ISM1: variants seen among roughly 807,000 people sequenced by gnomAD.
The protein encoded by ISM1 is isthmin 1.
In ISM1, 25 loss-of-function variants were observed where a neutral mutation model predicts 46.3. The ratio of observed to expected loss-of-function variants is 0.54; its 90% CI spans 0.39 to 0.75. ISM1 has a LOEUF of 0.75. Ranked by LOEUF, ISM1 falls within the 30% of genes least tolerant of loss-of-function variation. The pLI is 0.00. For missense variants in ISM1, 536 were observed against 625.4 expected (o/e 0.86, Z 1.52); for synonymous variants, 255 against 256.7 (o/e 0.99, Z 0.06).
chr20:13,286,869 C>T (rs2040299448), intron 3 of ISM1, among the ~76,000 whole-genome samples: 1 of 152,240 alleles, frequency 6.6e-6, no homozygotes, highest in Non-Finnish European at 1.5e-5. Context: ...AGAGGGTACT[C>T]CCTCCCGGCA....
chr20:13,325,530 C>T, the ISM1 span, among the ~76,000 whole-genome samples: 1 of 152,252 alleles, frequency 6.6e-6, no homozygotes, highest in South Asian at 2.1e-4. Flanking sequence ...ATTCACCTTT[C>T]CCCAACTTGT....
chr20:13,297,965 C>T (rs2123335394), intron 5 of ISM1, among the ~76,000 whole-genome samples: 1 of 152,296 alleles, frequency 6.6e-6, no homozygotes, highest in South Asian at 2.1e-4. Context: ...GCGATGGTTA[C>T]ATGCCTAAGG....
chr20:13,256,133 T>C (rs2039926280), intron 1 of ISM1, among the ~76,000 whole-genome samples: 1 of 152,090 alleles, frequency 6.6e-6, no homozygotes, highest in South Asian at 2.1e-4. Flanking sequence ...TGGTGGCTCA[T>C]GCCTGTTATC....
intron 4 of ISM1, among the ~76,000 whole-genome samples, chr20:13,290,251 T>A (rs955853055): frequency 6.6e-6 from 1 of 150,656 alleles, no homozygotes; most frequent in Non-Finnish European, 1.5e-5. Context: ...AAGCAATAAA[T>A]AATAACAATA....
intron 2 of ISM1, among the ~76,000 whole-genome samples, chr20:13,278,321 GA>G: frequency 6.6e-6 from 1 of 152,316 alleles, no homozygotes; most frequent in South Asian, 2.1e-4. Context: ...TATCTGCTCT[GA>G]CCCTAAGGGT....
downstream of ISM1, among the ~76,000 whole-genome samples, chr20:13,305,403 C>G (rs2040492236): frequency 6.6e-6 from 1 of 152,092 alleles, no homozygotes. Flanking sequence ...GATCAAAACC[C>G]CTGTGAGTGT....
chr20:13,268,091 T>C (rs1180203449), intron 1 of ISM1, among the ~76,000 whole-genome samples: 1 of 131,216 alleles, frequency 7.6e-6, no homozygotes, highest in African/African-American at 3.0e-5. Flanking sequence ...TGAGAAAAGA[T>C]AGCATGCTCT....
At chr20:13,259,092 G>A (rs891082868) in intron 1 of ISM1, among the ~76,000 whole-genome samples, 1 of 152,104 alleles carries the variant, frequency 6.6e-6, no homozygotes, top group Non-Finnish European at 1.5e-5. Flanking sequence ...AGACCAGCCT[G>A]GCCAACATGG....
chr20:13,268,346 TC>T (rs2040071356), intron 1 of ISM1, among the ~76,000 whole-genome samples: 1 of 53,852 alleles, frequency 1.9e-5, no homozygotes. Context: ...TCCTTCTTCT[TC>T]CTCTCTCTCT....
At chr20:13,256,367 G>A (rs1421713821) in intron 1 of ISM1, among the ~76,000 whole-genome samples, 1 of 137,222 alleles carries the variant, frequency 7.3e-6, no homozygotes. Context: ...TCATACTCCA[G>A]CCTGGGCAAC....
intron 1 of ISM1, among the ~76,000 whole-genome samples, chr20:13,247,517 GGT>G (rs35224672): frequency 0.07 from 9,833 of 139,594 alleles, 358 homozygotes; most frequent in East Asian, 0.18. Flanking sequence ...CAAAGTGAGG[GGT>G]GTGTGTGTGT....
At chr20:13,270,804 G>T in intron 2 of ISM1, 61 bp downstream of exon 2, 2 of 1,520,360 alleles carry the variant, frequency 1.3e-6, no homozygotes, top group Non-Finnish European at 1.8e-6. Context: ...GTTTTCTGAT[G>T]ATTCCAGTGG....
chr20:13,244,379 G>A (rs1295561506), intron 1 of ISM1: 1 of 129,012 alleles, frequency 7.8e-6, no homozygotes, highest in African/African-American at 3.0e-5. Flanking sequence ...TGTAGAAGAT[G>A]TCCTATGCAA....
At chr20:13,318,250 G>T in the ISM1 span, among the ~76,000 whole-genome samples, 161 of 152,198 alleles carry the variant, frequency 1.1e-3, no homozygotes, top group African/African-American at 3.6e-3. Flanking sequence ...CACATCATAT[G>T]TCATCAGGGA....
intron 2 of ISM1, among the ~76,000 whole-genome samples, chr20:13,277,632 TC>T (rs1043627574): frequency 3.5e-5 from 5 of 140,892 alleles, no homozygotes; most frequent in Non-Finnish European, 6.0e-5. Context: ...TTTCTTTTCT[TC>T]CCCCCTACCC....
intron 3 of ISM1, among the ~76,000 whole-genome samples, chr20:13,287,008 G>T (rs1021111197): frequency 5.3e-5 from 8 of 152,202 alleles, no homozygotes; most frequent in Non-Finnish European, 1.0e-4. Context: ...TAGAGAGAAA[G>T]GGCGTGGTAC....
chr20:13,290,171 T>C (rs2040337426), intron 4 of ISM1, among the ~76,000 whole-genome samples: 1 of 152,180 alleles, frequency 6.6e-6, no homozygotes. Flanking sequence ...GTGCTTTTCC[T>C]GACTTTCCCA....
intron 2 of ISM1, among the ~76,000 whole-genome samples, chr20:13,277,900 A>G (rs2040198435): frequency 1.3e-5 from 2 of 152,142 alleles, no homozygotes; most frequent in African/African-American, 4.8e-5. Flanking sequence ...GCTGGGCAAC[A>G]TCATTTGAAG....
rs763191409 is a variant in ISM1 at position 13,221,855 on chromosome 20, T to C, written c.79T>C (p.Ser27Pro). 212 of 1,433,900 alleles carry C rather than the reference T, an allele frequency of 1.5e-4. 2 individuals are homozygous for C. In the East Asian group the frequency reaches 5.6e-3, roughly 38 times the overall value. 88.8% of individuals were successfully genotyped at this position (1,433,900 alleles called of 1,614,324 possible). ...GCTGCACATCACCGTGCTGCGCGGCTCGGGAGCCGCCGACGGGCCCGACGC... is the reference window on the plus strand; with the variant it reads ...GCTGCACATCACCGTGCTGCGCGGCCCGGGAGCCGCCGACGGGCCCGACGC... ...LTLHITVLRG[S>P]GAADGPDAAA... The change falls in exon 1 of 6, where the codon TCG (serine) becomes CCG (proline). Residue 27 changes from serine to proline, a missense_variant. Transcript: ENST00000262487.
Sources: gnomAD v4.1 joint callset for allele counts (sites outside exome capture counted in the v4.1 genomes callset) on GRCh38, gnomAD v4.1.1 for gene constraint, MANE v1.5 for transcripts, NCBI Gene and HGNC (gene_info 2026-07-23, HGNC 2026-07-21) for gene names.